Variants in AUTS2 observed in about 807,000 individuals in gnomAD.
The protein encoded by AUTS2 is autism susceptibility gene 2 protein.
A neutral mutation model predicts 112.4 loss-of-function variants in AUTS2; 17 were observed. The observed-to-expected ratio is 0.15, with a 90% confidence interval of 0.10 to 0.23. The LOEUF (loss-of-function observed/expected upper bound fraction) is 0.23. Ranked by LOEUF, AUTS2 falls within the 10% of genes least tolerant of loss-of-function variation. The pLI, the probability that AUTS2 is intolerant of heterozygous loss-of-function variation, is 1.00. For synonymous variants in AUTS2, 751 were observed against 702.7 expected (o/e 1.07, Z -1.09); for missense variants, 1,510 against 1,701.6 (o/e 0.89, Z 1.98).
intron 4 of AUTS2, among the ~76,000 whole-genome samples, chr7:70,177,696 A>G (rs1196462102): frequency 6.6e-6 from 1 of 152,134 alleles, no homozygotes; most frequent in African/African-American, 2.4e-5. Context: ...GAAAGGAAAA[A>G]TTCCCTCCAA....
chr7:70,413,261 C>T (rs1294600862), intron 4 of AUTS2, among the ~76,000 whole-genome samples: 1 of 152,212 alleles, frequency 6.6e-6, no homozygotes, highest in Non-Finnish European at 1.5e-5. Flanking sequence ...GACTATCTCA[C>T]CTATCTAGAA....
intron 4 of AUTS2, among the ~76,000 whole-genome samples, chr7:70,244,080 C>T (rs1422187352): frequency 6.6e-6 from 1 of 151,936 alleles, no homozygotes; most frequent in Non-Finnish European, 1.5e-5. Flanking sequence ...ATATTGTCAT[C>T]TTTTAATAAC....
At chr7:70,147,448 A>G (rs1461012950) in intron 4 of AUTS2, among the ~76,000 whole-genome samples, 1 of 152,056 alleles carries the variant, frequency 6.6e-6, no homozygotes, top group Non-Finnish European at 1.5e-5. Context: ...CAGAGTTTAC[A>G]TGATGTTAGA....
At position 69,710,121 on chromosome 7, in the gene AUTS2, A is replaced by G. The variant is rs138133235; in HGVS notation, c.309+110159A>G. On this transcript the variant is annotated intron_variant, in intron 1 of 18. Transcript: ENST00000342771. ...CCCTATTGTCAAAAAACAAAGCAAA[A>G]TCAAATTAAATAAGTCCCTTAATTC... 1.9e-3 allele frequency among the ~76,000 whole-genome samples: 296 copies of G among 152,300 alleles called. 1 individual carries two copies. Among genetic ancestry groups the G allele is most frequent in the African/African-American group, 6.8e-3 (284 of 41,566 alleles).
At chr7:69,789,665 A>C (rs558067158) in intron 1 of AUTS2, among the ~76,000 whole-genome samples, 1 of 152,250 alleles carries the variant, frequency 6.6e-6, no homozygotes, top group Admixed American at 6.5e-5. Context: ...CATCAGATGA[A>C]GTAGGGGCTT....
chr7:69,709,043 G>C (rs1170869338), intron 1 of AUTS2, among the ~76,000 whole-genome samples: 1 of 152,202 alleles, frequency 6.6e-6, no homozygotes, highest in East Asian at 1.9e-4. Flanking sequence ...CTAAGTACTT[G>C]TTTCCTTGTT....
intron 1 of AUTS2, among the ~76,000 whole-genome samples, chr7:69,723,816 GA>G (rs1181905386): frequency 4.6e-5 from 7 of 152,274 alleles, no homozygotes; most frequent in African/African-American, 1.7e-4. Flanking sequence ...CATCATGTAA[GA>G]AACAACTCAT....
At chr7:69,605,810 A>C (rs1792686074) in intron 1 of AUTS2, among the ~76,000 whole-genome samples, 1 of 152,178 alleles carries the variant, frequency 6.6e-6, no homozygotes, top group Non-Finnish European at 1.5e-5. Context: ...TTGACTTCTG[A>C]AAGTATGCAT....
At chr7:70,211,810 T>C (rs1478032114) in intron 4 of AUTS2, among the ~76,000 whole-genome samples, 1 of 147,614 alleles carries the variant, frequency 6.8e-6, no homozygotes, top group Non-Finnish European at 1.5e-5. Flanking sequence ...CATGGTGAAA[T>C]CCCGTCTCTA....
chr7:69,621,131 A>T (rs1192274831), intron 1 of AUTS2, among the ~76,000 whole-genome samples: 1 of 152,168 alleles, frequency 6.6e-6, no homozygotes, highest in Non-Finnish European at 1.5e-5. Flanking sequence ...GCTTAAATCA[A>T]CTCATGTAAT....
chr7:70,123,158 G>A (rs981828192), intron 3 of AUTS2, among the ~76,000 whole-genome samples: 1 of 152,138 alleles, frequency 6.6e-6, no homozygotes, highest in Admixed American at 6.6e-5. Flanking sequence ...TTACAGGCGT[G>A]AGCCACCATG....
chr7:70,110,657 T>C (rs189101615), intron 2 of AUTS2, among the ~76,000 whole-genome samples: 1 of 152,124 alleles, frequency 6.6e-6, no homozygotes, highest in East Asian at 1.9e-4. Context: ...TCTAAGCTAA[T>C]AGCACAATTT....
chr7:69,718,041 A>G (rs1405731260), intron 1 of AUTS2, among the ~76,000 whole-genome samples: 1 of 152,222 alleles, frequency 6.6e-6, no homozygotes, highest in Non-Finnish European at 1.5e-5. Flanking sequence ...CATATGGCAT[A>G]TAAAGGCTAA....
intron 5 of AUTS2, among the ~76,000 whole-genome samples, chr7:70,602,941 G>C (rs892381778): frequency 6.6e-6 from 1 of 152,196 alleles, no homozygotes; most frequent in African/African-American, 2.4e-5. Flanking sequence ...CAAGTGGTAT[G>C]TGCTGAGAAA....
intron 4 of AUTS2, among the ~76,000 whole-genome samples, chr7:70,205,361 C>T (rs771556105): frequency 6.6e-6 from 1 of 152,138 alleles, no homozygotes; most frequent in Non-Finnish European, 1.5e-5. Flanking sequence ...ATTATTATCT[C>T]TGTTTGACAA....
intron 2 of AUTS2, among the ~76,000 whole-genome samples, chr7:70,099,107 C>T (rs1466995547): frequency 6.6e-6 from 1 of 152,046 alleles, no homozygotes; most frequent in African/African-American, 2.4e-5. Flanking sequence ...TCATTTAGTC[C>T]ATGGACAAAG....
intron 11 of AUTS2, 75 bp downstream of exon 11, chr7:70,771,719 G>A: frequency 7.5e-7 from 1 of 1,325,074 alleles, no homozygotes; most frequent in African/African-American, 1.4e-5. Context: ...AGGAAGTTCT[G>A]CGTCCTCTTG....
chr7:70,355,012 G>A (rs1791932883), intron 4 of AUTS2, among the ~76,000 whole-genome samples: 2 of 150,368 alleles, frequency 1.3e-5, no homozygotes, highest in South Asian at 4.3e-4. Flanking sequence ...GTGTGTGTAT[G>A]TATGTGTGTG....
intron 4 of AUTS2, among the ~76,000 whole-genome samples, chr7:70,425,700 A>G (rs1247057464): frequency 6.6e-6 from 1 of 152,226 alleles, no homozygotes. Context: ...AGACTTGTAT[A>G]TGTTAAATTA....
Sources: allele counts gnomAD v4.1 joint callset (sites outside exome capture counted in the v4.1 genomes callset), GRCh38; gene constraint gnomAD v4.1.1; transcripts MANE v1.5; gene names NCBI Gene and HGNC (gene_info 2026-07-23, HGNC 2026-07-21).